The following NELL1 variants were observed in gnomAD, a reference collection of about 807,000 sequenced individuals.
NELL1 encodes the protein neural EGFL like 1.
Under a neutral mutation model 107.4 loss-of-function variants are expected in NELL1, and 76 were observed. The observed-to-expected ratio is 0.71, with a 90% CI of 0.59 to 0.86. The LOEUF (loss-of-function observed/expected upper bound fraction) is 0.86. NELL1 is among the 40% of genes least tolerant of loss of function. The pLI, the probability that NELL1 is intolerant of heterozygous loss-of-function variation, is 0.00. For missense variants in NELL1, 1,024 were observed against 1,005.5 expected (o/e 1.02, Z -0.25); for synonymous variants, 353 against 341.2 (o/e 1.03, Z -0.38).
chr11:20,828,004 T>C (rs1324538184), intron 3 of NELL1, among the ~76,000 whole-genome samples: 2 of 151,302 alleles, frequency 1.3e-5, no homozygotes, highest in Admixed American at 6.6e-5. Flanking sequence ...TGCTAGAAAC[T>C]TCATTTCCTT....
intron 17 of NELL1, among the ~76,000 whole-genome samples, chr11:21,561,662 G>C (rs1280990775): frequency 1.3e-5 from 2 of 152,032 alleles, no homozygotes; most frequent in East Asian, 2.0e-4. Context: ...AACACTCTAC[G>C]ATGATATTTA....
At chr11:21,511,848 T>C (rs1564932733) in intron 15 of NELL1, among the ~76,000 whole-genome samples, 1 of 152,140 alleles carries the variant, frequency 6.6e-6, no homozygotes, top group Non-Finnish European at 1.5e-5. Context: ...GGAGTCATAA[T>C]ATTGTTCAAA....
chr11:21,404,053 G>A lies in NELL1; in HGVS notation c.1645+33105G>A, dbSNP rs868003898. ...CACTGGATATTCCCCCCGCCACCAC[G>A]CACACCGATTCATAAATTCAATCTC... On this transcript the variant is annotated intron_variant, in intron 15 of 19. Transcript: ENST00000357134. 1.1e-4 allele frequency among the ~76,000 whole-genome samples: 10 copies of A among 89,378 alleles called. No individual in the cohort carries two copies. The South Asian group carries it at 1.2e-3, about 10-fold the overall frequency. The allele number at this position is 89,378 out of a possible 152,430, so 58.6% of individuals were successfully genotyped here. A position where few individuals can be genotyped will look rare whatever the true frequency, so the allele number is the denominator to read the frequency against.
intron 16 of NELL1, among the ~76,000 whole-genome samples, chr11:21,552,719 T>A (rs1301510460): frequency 6.6e-6 from 1 of 151,780 alleles, no homozygotes; most frequent in Non-Finnish European, 1.5e-5. Context: ...GAAGAGAGGA[T>A]CAAGATTCAA....
chr11:20,742,055 C>T (rs1220561987), intron 2 of NELL1, among the ~76,000 whole-genome samples: 2 of 152,184 alleles, frequency 1.3e-5, no homozygotes, highest in African/African-American at 4.8e-5. Context: ...GACAAGAAAC[C>T]AGCGAAGGAG....
At chr11:21,361,799 G>A (rs1418986730) in intron 14 of NELL1, among the ~76,000 whole-genome samples, 5 of 151,894 alleles carry the variant, frequency 3.3e-5, no homozygotes. Context: ...ACTGAATTTT[G>A]TATTTCTCTA....
intron 15 of NELL1, among the ~76,000 whole-genome samples, chr11:21,470,297 C>A (rs943130275): frequency 6.6e-6 from 1 of 151,980 alleles, no homozygotes; most frequent in Non-Finnish European, 1.5e-5. Context: ...TGCTTAGACT[C>A]GAGAGAGCAA....
At chr11:20,729,191 C>G (rs1033334960) in intron 2 of NELL1, among the ~76,000 whole-genome samples, 3 of 152,026 alleles carry the variant, frequency 2.0e-5, no homozygotes, top group Non-Finnish European at 4.4e-5. Flanking sequence ...AGTTTATTAG[C>G]TCTTATATCC....
At position 21,125,253 on chromosome 11, in the gene NELL1, T is replaced by C. The variant is rs561703375; in HGVS notation, c.1426+11539T>C. On this transcript the variant is annotated intron_variant, in intron 13 of 19. Coordinates refer to ENST00000357134, the MANE Select transcript of NELL1 (RefSeq NM_006157.5). ...AGCCTGAAAAGACCCAGTATTTCCA[T>C]AGGAAAGCAACCACTGAATGAGAAT... Among the ~76,000 whole-genome samples the C allele has an allele frequency of 9.2e-5, 14 of 152,222 alleles. No individual in the cohort carries two copies. The South Asian group carries it at 1.7e-3, about 18-fold the overall frequency.
intron 12 of NELL1, among the ~76,000 whole-genome samples, chr11:21,094,161 G>C (rs1319480325): frequency 5.3e-5 from 8 of 152,192 alleles, no homozygotes; most frequent in Non-Finnish European, 1.0e-4. Context: ...CCAAAGCAAA[G>C]GGGCTACAGG....
At position 21,197,364 on chromosome 11, in the gene NELL1, C is replaced by G. The variant is rs1310201872; in HGVS notation, c.1427-31968C>G. Among the ~76,000 whole-genome samples the G allele has an allele frequency of 2.0e-5, 3 of 149,666 alleles. No individual in the cohort carries two copies. The East Asian group carries it at 6.0e-4, about 30-fold the overall frequency. ...GTACTTTCTCTAGGGAGAACAAAAT[C>G]TTGTTTCCTATGCTTCTGGGTTCCT... is the stretch of plus-strand genomic sequence containing the variant. On this transcript the variant is annotated intron_variant, in intron 13 of 19. Transcript: ENST00000357134.
chr11:21,420,515 A>G (rs1418234983), intron 15 of NELL1, among the ~76,000 whole-genome samples: 1 of 152,190 alleles, frequency 6.6e-6, no homozygotes, highest in African/African-American at 2.4e-5. Context: ...AAGTATCTGC[A>G]GAGTTACTGA....
At chr11:21,544,737 C>T (rs1169680007) in intron 16 of NELL1, among the ~76,000 whole-genome samples, 1 of 151,846 alleles carries the variant, frequency 6.6e-6, no homozygotes, top group Non-Finnish European at 1.5e-5. Context: ...ATAACCCTTT[C>T]CTCTCCTGGG....
chr11:20,868,864 G>A (rs961774255), intron 4 of NELL1, among the ~76,000 whole-genome samples: 2 of 152,038 alleles, frequency 1.3e-5, no homozygotes, highest in African/African-American at 4.8e-5. Context: ...AAAAATTCAG[G>A]TTGCCATCAG....
intron 15 of NELL1, among the ~76,000 whole-genome samples, chr11:21,477,505 A>C (rs559206324): frequency 6.6e-6 from 1 of 152,300 alleles, no homozygotes; most frequent in Admixed American, 6.5e-5. Context: ...TACCATTGCA[A>C]ATATAGGTGC....
At chr11:21,382,447 A>G (rs1467211282) in intron 15 of NELL1, among the ~76,000 whole-genome samples, 2 of 151,994 alleles carry the variant, frequency 1.3e-5, no homozygotes, top group Non-Finnish European at 2.9e-5. Flanking sequence ...TGATAAATGA[A>G]TAAATGAATA....
At chr11:20,678,394 G>A (rs1378461945) in intron 2 of NELL1, among the ~76,000 whole-genome samples, 1 of 152,098 alleles carries the variant, frequency 6.6e-6, no homozygotes, top group East Asian at 1.9e-4. Context: ...ATCTTTGCCT[G>A]TACTTACACC....
Position 21,519,363 on chromosome 11 carries a change from T to G in NELL1, c.1646-15011T>G, listed in dbSNP as rs75936698. ...TGGGTTCTACCCCCAGAATTTCTAA[T>G]TTAGTATGTTGTGTGGGACCAGATA... is the stretch of plus-strand genomic sequence containing the variant. On this transcript the variant is annotated intron_variant, in intron 15 of 19. Coordinates refer to ENST00000357134, the MANE Select transcript of NELL1 (RefSeq NM_006157.5). 6.8e-3 allele frequency among the ~76,000 whole-genome samples: 1,031 copies of G among 152,256 alleles called. 11 individuals are homozygous for G. Among genetic ancestry groups the G allele is most frequent in the African/African-American group, 0.024 (977 of 41,558 alleles).
chr11:21,272,387 G>A (rs771391340), intron 14 of NELL1, among the ~76,000 whole-genome samples: 4 of 152,198 alleles, frequency 2.6e-5, no homozygotes, highest in Non-Finnish European at 5.9e-5. Flanking sequence ...GGCTTGAGTA[G>A]ATAAACAAAG....
Sources: gnomAD v4.1 joint callset for allele counts (sites outside exome capture counted in the v4.1 genomes callset) on GRCh38, gnomAD v4.1.1 for gene constraint, MANE v1.5 for transcripts, NCBI Gene and HGNC (gene_info 2026-07-23, HGNC 2026-07-21) for gene names.